Variants in SULT2A1 observed in about 807,000 individuals in gnomAD.
SULT2A1 encodes the protein sulfotransferase 2A1.
Under a neutral mutation model 33.9 loss-of-function variants are expected in SULT2A1, and 43 were observed. The ratio of observed to expected loss-of-function variants is 1.27; its 90% CI spans 1.00 to 1.64. The LOEUF is 1.64. Among genes scored for constraint, SULT2A1 ranks in the 40% most tolerant of loss-of-function variants. The pLI, the probability that SULT2A1 is intolerant of heterozygous loss-of-function variation, is 0.00. For synonymous variants in SULT2A1, 125 were observed against 113.6 expected (o/e 1.10, Z -0.64); for missense variants, 300 against 335.1 (o/e 0.90, Z 0.82).
rs767819209 is a variant in SULT2A1, at chr19:47,879,110, C to T, written c.493G>A (p.Asp165Asn). 4 of 1,613,438 alleles carry T rather than the reference C, an allele frequency of 2.5e-6. No homozygotes were observed. Among genetic ancestry groups the T allele is most frequent in the Non-Finnish European group, 1.7e-6 (2 of 1,179,518 alleles). Residue 165 changes from aspartate to asparagine, a missense_variant, in exon 4 of 6, where the codon GAC becomes AAC. Transcript: ENST00000222002. ...QGTVLYGSWFDHIHGWMPMRE... is the reference protein window; with the variant it reads ...QGTVLYGSWFNHIHGWMPMRE... ...ATGGGCATCCAGCCATGAATGTGGT[C>T]AAACCATGACCCATATAGCACTGCA...
intron 5 of SULT2A1, among the ~76,000 whole-genome samples, chr19:47,871,927 T>C (rs771580707): frequency 3.3e-5 from 5 of 152,112 alleles, no homozygotes; most frequent in Non-Finnish European, 5.9e-5. Context: ...TTTTCTTTTT[T>C]TTTTTGTAGA....
intron 3 of SULT2A1, among the ~76,000 whole-genome samples, chr19:47,881,753 G>T (rs1968606296): frequency 6.6e-6 from 1 of 152,108 alleles, no homozygotes; most frequent in African/African-American, 2.4e-5. Flanking sequence ...ATGGCGGAAG[G>T]TCAGGATTGT....
At position 47,882,917 on chromosome 19, in the gene SULT2A1, A is replaced by AAAT. The variant is rs376365797; in HGVS notation, c.345+657_345+659dup. ...GGTGACAGAATGAGACTGTGTCTCA[A>AAAT]AATAATAATAATAATAATAATTCAC... On this transcript the variant is annotated intron_variant, in intron 2 of 5. Transcript: ENST00000222002. Among the ~76,000 whole-genome samples, 962 of 151,898 alleles carry AAAT rather than the reference A, an allele frequency of 6.3e-3. 4 individuals carry two copies. Among genetic ancestry groups the AAAT allele is most frequent in the African/African-American group, 0.019 (806 of 41,414 alleles).
chr19:47,874,540 G>A lies in SULT2A1; in HGVS notation c.745+117C>T, dbSNP rs62531058. 3.2e-4 allele frequency: 177 copies of A among 560,250 alleles called. 1 individual carries two copies. Among genetic ancestry groups the A allele is most frequent in the Admixed American group, 4.8e-4 (9 of 18,854 alleles). 34.7% of individuals were successfully genotyped at this position (560,250 alleles called of 1,614,324 possible). On this transcript the variant is annotated intron_variant, in intron 5 of 5. Transcript: ENST00000222002. ...GGGTGATAGAGCAAGACTTCATCTC[G>A]GAAAAAAAAAAAAAAAAAAAGCACT...
chr19:47,871,455 T>G lies in SULT2A1; in HGVS notation c.858A>C (p.Ter286TyrextTer35). The G allele has an allele frequency of 1.2e-6, 2 of 1,610,292 alleles. No homozygotes were observed. The highest frequency in any genetic ancestry group is 1.7e-6 in the Non-Finnish European group (2 of 1,176,552). ...TATAAGATCCAGAGTGTTTTGGACG[T>G]TATTCCCATGGGAACAGCTCTCGAG... ...DLPRELFPWE* is the reference protein window; with the variant it reads ...DLPRELFPWEY The change falls in exon 6 of 6, where the codon TAA becomes TAC. Residue 286 changes from the stop codon to tyrosine, a stop_lost. Transcript: ENST00000222002.
At chr19:47,877,762 G>A (rs1270480170) in intron 4 of SULT2A1, among the ~76,000 whole-genome samples, 1 of 152,094 alleles carries the variant, frequency 6.6e-6, no homozygotes, top group Non-Finnish European at 1.5e-5. Context: ...TGTTGGCCAG[G>A]CTGGTCTCGA....
In SULT2A1 at chr19:47,873,710, G is replaced by A. The variant is rs1359908377; in HGVS notation, c.745+947C>T. On this transcript the variant is annotated intron_variant, in intron 5 of 5. Transcript: ENST00000222002. ...ACGATCTTGGCTCACTGCAAGCTCCGCCTCCTGGGTTCACACCATTCTCCT... is the reference window on the plus strand; with the variant it reads ...ACGATCTTGGCTCACTGCAAGCTCCACCTCCTGGGTTCACACCATTCTCCT... Among the ~76,000 whole-genome samples the A allele has an allele frequency of 2.5e-4, 31 of 124,252 alleles. No individual in the cohort carries two copies. The Admixed American group carries it at 3.1e-3, about 12-fold the overall frequency. 81.5% of individuals were successfully genotyped at this position (124,252 alleles called of 152,430 possible). A position where few individuals can be genotyped will look rare whatever the true frequency, so the allele number is the denominator to read the frequency against.
rs368067020 is a variant in SULT2A1 at position 47,882,114 on chromosome 19, C to T, written c.442G>A (p.Glu148Lys). 17 of 1,613,682 alleles carry T rather than the reference C, an allele frequency of 1.1e-5. No homozygotes were observed. The African/African-American group carries it at 2.3e-4, about 22-fold the overall frequency. The change falls in exon 3 of 6, where the codon GAA becomes AAA. Residue 148 changes from glutamate (E) to lysine (K), a missense_variant. Physicochemically the swap from Glu to Lys is moderately conservative, Grantham distance 56 (BLOSUM62 1). Transcript: ENST00000222002. ...CCTTGACAAAACCATTCAAAATATT[C>T]TTCCCATGACTTTGGTTTCTTAATA... ...KFIKKPKSWE[E>K]YFEWFCQGTV...
At chr19:47,873,482 G>C (rs1968512122) in intron 5 of SULT2A1, among the ~76,000 whole-genome samples, 1 of 151,778 alleles carries the variant, frequency 6.6e-6, no homozygotes, top group South Asian at 2.1e-4. Flanking sequence ...TGGAAAAATG[G>C]ATTCTTTCAC....
In SULT2A1 at chr19:47,871,429, A is replaced by G; in HGVS notation, c.*26T>C. 1.3e-6 allele frequency: 2 copies of G among 1,525,272 alleles called. No individual in the cohort carries two copies. The highest frequency in any genetic ancestry group is 1.7e-5 in the Admixed American group (1 of 59,864). The allele number at this position is 1,525,272 out of a possible 1,614,324, so 94.5% of individuals were successfully genotyped here. A position where few individuals can be genotyped will look rare whatever the true frequency, so the allele number is the denominator to read the frequency against. On this transcript the variant is annotated 3_prime_UTR_variant, in exon 6 of 6. Coordinates refer to ENST00000222002, the MANE Select transcript of SULT2A1 (RefSeq NM_003167.4). Reference sequence around the variant, plus strand: ...GACAGGAGAATCAATGTCATTCTCCATATAAGATCCAGAGTGTTTTGGACG... The same window carrying G: ...GACAGGAGAATCAATGTCATTCTCCGTATAAGATCCAGAGTGTTTTGGACG...
chr19:47,873,418 G>T (rs191570824), intron 5 of SULT2A1, among the ~76,000 whole-genome samples: 5 of 151,972 alleles, frequency 3.3e-5, no homozygotes, highest in Middle Eastern at 3.4e-3. Context: ...TGATCCACCC[G>T]CCTTGGCCTC....
At chr19:47,872,160 C>T (rs893571876) in intron 5 of SULT2A1, among the ~76,000 whole-genome samples, 6 of 152,130 alleles carry the variant, frequency 3.9e-5, no homozygotes, top group African/African-American at 4.8e-5. Context: ...TCAGGTGATC[C>T]GCCCGCCTTG....
At chr19:47,882,871 G>A (rs1371426626) in intron 2 of SULT2A1, among the ~76,000 whole-genome samples, 2 of 151,958 alleles carry the variant, frequency 1.3e-5, no homozygotes, top group Admixed American at 6.6e-5. Context: ...AGCCAAGATC[G>A]CACCAATGCA....
At chr19:47,871,655 CAT>C (rs1444484054) in intron 5 of SULT2A1, 88 bp from the exon 6 acceptor site, 5 of 876,744 alleles carry the variant, frequency 5.7e-6, no homozygotes, top group Non-Finnish European at 7.7e-6. Flanking sequence ...TTGTAGCTAA[CAT>C]AGCAGAATGG....
At position 47,874,828 on chromosome 19, in the gene SULT2A1, CTG is replaced by C. The variant is rs762039745; in HGVS notation, c.572_573del (p.Thr191ArgfsTer46). 12 of 1,612,774 alleles carry C rather than the reference CTG, an allele frequency of 7.4e-6. No homozygotes were observed. Among genetic ancestry groups the C allele is most frequent in the Non-Finnish European group, 1.0e-5 (12 of 1,179,730 alleles). On this transcript the variant is annotated frameshift_variant, in exon 5 of 6. Coordinates refer to ENST00000222002, the MANE Select transcript of SULT2A1 (RefSeq NM_003167.4). LOFTEE classifies it high-confidence loss of function. The part of the protein sequence containing the change: ...LLSYEELKQD[T>X]GRTIEKICQF... ...TGACAGATCTTCTCTATGGTTCTTC[CTG>C]TGTCCTAAAAAAGAAAAATCAAGAG...
At chr19:47,876,188 G>T (rs763563285) in intron 4 of SULT2A1, among the ~76,000 whole-genome samples, 6 of 151,998 alleles carry the variant, frequency 3.9e-5, no homozygotes, top group Non-Finnish European at 7.4e-5. Flanking sequence ...GCTAATTTAC[G>T]TATTTTTAGT....
chr19:47,877,264 T>C (rs780891943), intron 4 of SULT2A1, among the ~76,000 whole-genome samples: 10 of 149,206 alleles, frequency 6.7e-5, no homozygotes, highest in Non-Finnish European at 7.4e-5. Context: ...TGAGATGGAG[T>C]CTTGCTCTGT....
rs1382330529 is a variant in SULT2A1 at position 47,883,802 on chromosome 19, A to G, written c.137-17T>C. ...AGTTTGTTCCTGGAAAAAGAAGGAA[A>G]AAAATATATAAAATGTACCATCTCA... is the stretch of plus-strand genomic sequence containing the variant. On this transcript the variant is annotated splice_polypyrimidine_tract_variant and intron_variant, in intron 1 of 5. Transcript: ENST00000222002. The G allele has an allele frequency of 6.2e-7, 1 of 1,611,208 alleles. No individual in the cohort carries two copies. The highest frequency in any genetic ancestry group is 8.5e-7 in the Non-Finnish European group (1 of 1,177,990).
chr19:47,885,612 A>G (rs1204712598), intron 1 of SULT2A1, among the ~76,000 whole-genome samples: 1 of 151,712 alleles, frequency 6.6e-6, no homozygotes, highest in Non-Finnish European at 1.5e-5. Context: ...CTCAATCCTC[A>G]CCGCATCCGC....
Sources: gnomAD v4.1 joint callset for allele counts (sites outside exome capture counted in the v4.1 genomes callset) on GRCh38, gnomAD v4.1.1 for gene constraint, MANE v1.5 for transcripts, NCBI Gene and HGNC (gene_info 2026-07-23, HGNC 2026-07-21) for gene names.